The following PXK variants were observed in gnomAD, a reference collection of about 807,000 sequenced individuals.
The protein encoded by PXK is PX domain containing serine/threonine kinase like, also known as PX domain-containing protein kinase-like protein.
In PXK, 35 loss-of-function variants were observed where a neutral mutation model predicts 84.7. That is an observed-to-expected ratio of 0.41 (90% CI 0.32 to 0.55). The LOEUF (loss-of-function observed/expected upper bound fraction) is 0.55, where lower values mean the gene tolerates loss of function less well. Ranked by LOEUF, PXK falls within the 20% of genes least tolerant of loss-of-function variation. PXK has a pLI of 0.21. For missense variants in PXK, 634 were observed against 699.7 expected (o/e 0.91, Z 1.06); for synonymous variants, 253 against 260.8 (o/e 0.97, Z 0.29).
chr3:58,392,664 CTTT>C (rs35624263), intron 7 of PXK, among the ~76,000 whole-genome samples: 3 of 143,930 alleles, frequency 2.1e-5, no homozygotes, highest in Non-Finnish European at 4.6e-5. Context: ...TTCTAAATTT[CTTT>C]TTTTTTTTTT....
At position 58,411,057 on chromosome 3, in the gene PXK, G is replaced by A. The variant is rs569619746; in HGVS notation, c.1465+898G>A. Among the ~76,000 whole-genome samples, 7 of 152,304 alleles carry A rather than the reference G, an allele frequency of 4.6e-5. No individual in the cohort carries two copies. The East Asian group carries it at 1.2e-3, about 25-fold the overall frequency. On this transcript the variant is annotated intron_variant, in intron 16 of 17. Coordinates refer to ENST00000356151, the MANE Select transcript of PXK (RefSeq NM_017771.5). The surrounding 1 kb of genome is among the most constrained non-coding windows in gnomAD (Gnocchi z 4.2). Reference sequence around the variant, plus strand: ...GGAAACCCATGCATCTCTTCCTAGCGGTAGGATTTGGTGTGGGCAGGTGAA... The same window carrying A: ...GGAAACCCATGCATCTCTTCCTAGCAGTAGGATTTGGTGTGGGCAGGTGAA...
At chr3:58,419,754 T>C (rs964411401) in intron 17 of PXK, among the ~76,000 whole-genome samples, 2 of 152,214 alleles carry the variant, frequency 1.3e-5, no homozygotes, top group Non-Finnish European at 2.9e-5. Context: ...TCCCAGCCCC[T>C]TTCCAGGAAA....
chr3:58,378,046 C>T (rs1182705056), intron 3 of PXK, among the ~76,000 whole-genome samples: 1 of 152,218 alleles, frequency 6.6e-6, no homozygotes, highest in Non-Finnish European at 1.5e-5. Flanking sequence ...GCCTGCCCTC[C>T]TCCCTCTAGC....
At position 58,335,622 on chromosome 3, in the gene PXK, C is replaced by T. The variant is rs536732793; in HGVS notation, c.102+2532C>T. On this transcript the variant is annotated intron_variant, in intron 1 of 17. Coordinates refer to ENST00000356151, the MANE Select transcript of PXK (RefSeq NM_017771.5). The stretch of plus-strand genomic sequence containing the variant: ...GTTCCAGAAGTCAGAGCTCTACTCT[C>T]GCTTTGAAATGCTGAATCTCTAGGA... Among the ~76,000 whole-genome samples the T allele has an allele frequency of 1.6e-4, 23 of 139,652 alleles. No homozygotes were observed. The South Asian group carries it at 1.7e-3, about 10-fold the overall frequency. 91.6% of individuals were successfully genotyped at this position (139,652 alleles called of 152,430 possible).
intron 17 of PXK, among the ~76,000 whole-genome samples, chr3:58,417,268 C>A (rs2061120888): frequency 6.6e-6 from 1 of 152,186 alleles, no homozygotes; most frequent in Non-Finnish European, 1.5e-5. Flanking sequence ...TGGCCTTTGG[C>A]AGTTTGCTCA....
intron 4 of PXK, among the ~76,000 whole-genome samples, chr3:58,389,375 G>A (rs1472210582): frequency 6.6e-6 from 1 of 152,154 alleles, no homozygotes; most frequent in Non-Finnish European, 1.5e-5. Flanking sequence ...TGAGTTTTGG[G>A]CTTGGGTTGT....
At position 58,412,112 on chromosome 3, in the gene PXK, T is replaced by C. The variant is rs541406047; in HGVS notation, c.1466-789T>C. Among the ~76,000 whole-genome samples, 74 of 152,070 alleles carry C rather than the reference T, an allele frequency of 4.9e-4. No individual in the cohort carries two copies. The highest frequency in any genetic ancestry group is 1.7e-3 in the African/African-American group (70 of 41,480). On this transcript the variant is annotated intron_variant, in intron 16 of 17. Transcript: ENST00000356151. This position sits in a 1 kb window ranked among gnomAD's most constrained non-coding sequence, Gnocchi z 6.2. ...CCAGAAAGCACCTGACTAGGGAGAT[T>C]TGGTTAACCTCTCCATAGGATCTCT...
chr3:58,360,528 G>A (rs2098165354), intron 1 of PXK, among the ~76,000 whole-genome samples: 1 of 152,034 alleles, frequency 6.6e-6, no homozygotes, highest in Admixed American at 6.6e-5. Context: ...TGGGCGCAGT[G>A]GCTCATACCT....
At chr3:58,347,651 T>C (rs532031634) in intron 1 of PXK, among the ~76,000 whole-genome samples, 12 of 152,334 alleles carry the variant, frequency 7.9e-5, no homozygotes, top group African/African-American at 2.2e-4. Context: ...TTATTTCCAG[T>C]TTGGGGCTAT....
At chr3:58,424,200 G>C (rs74727114) in intron 17 of PXK, among the ~76,000 whole-genome samples, 10,342 of 152,280 alleles carry the variant, frequency 0.068, 428 homozygotes, top group African/African-American at 0.081. Flanking sequence ...TAACCCAGGA[G>C]GCACTGATTC....
rs945988262 is a variant in PXK at position 58,411,753 on chromosome 3, A to G, written c.1466-1148A>G. 6.6e-6 allele frequency among the ~76,000 whole-genome samples: 1 copy of G among 152,160 alleles called. No individual in the cohort carries two copies. Among genetic ancestry groups the G allele is most frequent in the Non-Finnish European group, 1.5e-5 (1 of 68,018 alleles). ...GATGGATATATACAGATAATTCCCAAACTTTACTGGAGTCAAGCAGTGAAG... is the reference window on the plus strand; with the variant it reads ...GATGGATATATACAGATAATTCCCAGACTTTACTGGAGTCAAGCAGTGAAG... On this transcript the variant is annotated intron_variant, in intron 16 of 17. Transcript: ENST00000356151. The surrounding 1 kb of genome is among the most constrained non-coding windows in gnomAD (Gnocchi z 4.2).
At chr3:58,374,370 C>T (rs1456171008) in intron 3 of PXK, among the ~76,000 whole-genome samples, 1 of 152,032 alleles carries the variant, frequency 6.6e-6, no homozygotes, top group Non-Finnish European at 1.5e-5. Context: ...ATGGGGGTTT[C>T]ATCATGTTGG....
intron 3 of PXK, among the ~76,000 whole-genome samples, chr3:58,380,663 T>C (rs536691121): frequency 1.3e-5 from 2 of 151,246 alleles, no homozygotes; most frequent in South Asian, 2.1e-4. Flanking sequence ...ATACAAAAAT[T>C]AGCCGGGTGC....
chr3:58,365,614 C>T (rs1039579360), intron 1 of PXK, among the ~76,000 whole-genome samples: 5 of 152,146 alleles, frequency 3.3e-5, no homozygotes, highest in African/African-American at 1.2e-4. Context: ...ATTTGTCTGT[C>T]ACTTCTTTCA....
Position 58,399,458 on chromosome 3 carries a change from T to A in PXK, c.1181+81T>A. ...CACTGTGTCCAAGCACCTGGTACTGTAGTAAAGATTCTTGCGGTCCCTGCA... is the reference window on the plus strand; with the variant it reads ...CACTGTGTCCAAGCACCTGGTACTGAAGTAAAGATTCTTGCGGTCCCTGCA... On this transcript the variant is annotated intron_variant, in intron 12 of 17. Coordinates refer to ENST00000356151, the MANE Select transcript of PXK (RefSeq NM_017771.5). The surrounding 1 kb of genome is among the most constrained non-coding windows in gnomAD (Gnocchi z 4.3). The A allele has an allele frequency of 7.0e-7, 1 of 1,421,252 alleles. No individual in the cohort carries two copies. The highest frequency in any genetic ancestry group is 9.8e-7 in the Non-Finnish European group (1 of 1,015,734). 88.0% of individuals were successfully genotyped at this position (1,421,252 alleles called of 1,614,324 possible).
intron 2 of PXK, 130 bp downstream of exon 2, chr3:58,366,054 C>A: frequency 2.5e-6 from 2 of 791,618 alleles, no homozygotes; most frequent in Non-Finnish European, 3.9e-6. Context: ...TTTCTTTTAG[C>A]TATAAACTTT....
intron 2 of PXK, among the ~76,000 whole-genome samples, chr3:58,368,369 C>T (rs1483611878): frequency 1.3e-5 from 2 of 152,122 alleles, no homozygotes; most frequent in Non-Finnish European, 2.9e-5. Flanking sequence ...GTTGCCCGGG[C>T]TGGAATGCAG....
rs553648714 is a variant in PXK, at chr3:58,424,825, G to A, written c.1602G>A (p.Glu534=). 2.1e-5 allele frequency: 34 copies of A among 1,614,028 alleles called. No homozygotes were observed. Among genetic ancestry groups the A allele is most frequent in the African/African-American group, 2.7e-5 (2 of 74,888 alleles). The change falls in exon 18 of 18, where the codon GAG becomes GAA. Residue 534 remains glutamate, a synonymous_variant. Transcript: ENST00000356151. The part of the protein sequence containing the change: ...PAAPLPPAST[E]APAQLSSQAV... ...CTCCCTTGCCTCCTGCGAGCACCGA[G>A]GCACCTGCCCAGCTCTCGTCTCAGG...
intron 1 of PXK, among the ~76,000 whole-genome samples, chr3:58,344,420 T>C (rs947565750): frequency 1.1e-4 from 16 of 152,228 alleles, no homozygotes; most frequent in Non-Finnish European, 1.9e-4. Context: ...CCCTGTTTTT[T>C]CCTTTTTACC....
Sources: allele counts gnomAD v4.1 joint callset (sites outside exome capture counted in the v4.1 genomes callset), GRCh38; gene constraint gnomAD v4.1.1; non-coding constraint Gnocchi (gnomAD v3.1); transcripts MANE v1.5; gene names NCBI Gene and HGNC (gene_info 2026-07-23, HGNC 2026-07-21).